The following ENAH variants were observed in gnomAD, a reference collection of about 807,000 sequenced individuals.
ENAH encodes the protein protein enabled homolog.
In ENAH, 23 loss-of-function variants were observed where a neutral mutation model predicts 78.7. That is an observed-to-expected ratio of 0.29 (90% CI 0.21 to 0.41). The LOEUF is 0.41. Among genes scored for constraint, ENAH ranks in the 10% least tolerant of loss-of-function variants. ENAH has a pLI of 1.00. For missense variants in ENAH, 544 were observed against 691.0 expected (o/e 0.79, Z 2.39); for synonymous variants, 226 against 241.0 (o/e 0.94, Z 0.58).
At chr1:225,585,652 G>A (rs2096842507) in intron 1 of ENAH, among the ~76,000 whole-genome samples, 1 of 152,098 alleles carries the variant, frequency 6.6e-6, no homozygotes, top group South Asian at 2.1e-4. Flanking sequence ...AGCCGGGCGT[G>A]GTGGTGTGCA....
At chr1:225,652,392 G>A (rs1228599222) in intron 1 of ENAH, 1 of 985,296 alleles carries the variant, frequency 1.0e-6, no homozygotes, top group Non-Finnish European at 1.2e-6. Context: ...CAAAGGCTTG[G>A]GGGAGGGAGC....
chr1:225,539,529 T>A (rs2096579111), intron 3 of ENAH, among the ~76,000 whole-genome samples: 1 of 152,184 alleles, frequency 6.6e-6, no homozygotes, highest in Non-Finnish European at 1.5e-5. Flanking sequence ...CCCATTCCAA[T>A]CGTGGTATCT....
rs755240008 is a variant in ENAH at position 225,497,789 on chromosome 1, A to T, written c.1699T>A (p.Ser567Thr). ...IDAIRQELSKSNTA is the reference protein window; with the variant it reads ...IDAIRQELSKTNTA The stretch of plus-strand genomic sequence containing the variant: ...AGTCTGTTCCTCTATGCAGTATTTG[A>T]CTTGCTCAGTTCCTGCCTGATTGCT... Residue 567 changes from serine to threonine, a missense_variant, in exon 14 of 14, where the codon TCA (serine) becomes ACA (threonine). By Grantham distance (58) the Ser-to-Thr change is moderately conservative. This residue lies in a region of ENAH where 97 missense variants were observed against 124.4 expected (regional missense o/e 0.78). Transcript: ENST00000366843. The T allele has an allele frequency of 6.2e-7, 1 of 1,612,540 alleles. No individual in the cohort carries two copies. The highest frequency in any genetic ancestry group is 8.5e-7 in the Non-Finnish European group (1 of 1,179,320).
intron 3 of ENAH, among the ~76,000 whole-genome samples, chr1:225,539,730 G>A (rs1352171387): frequency 6.6e-5 from 10 of 152,052 alleles, no homozygotes; most frequent in Non-Finnish European, 8.8e-5. Flanking sequence ...TAGGTACACC[G>A]GTCTCTCAAT....
chr1:225,504,812 C>G (rs2096312964), intron 11 of ENAH, among the ~76,000 whole-genome samples: 1 of 152,044 alleles, frequency 6.6e-6, no homozygotes, highest in Non-Finnish European at 1.5e-5. Context: ...ATATGTTTAC[C>G]ATTTGTATTT....
intron 1 of ENAH, among the ~76,000 whole-genome samples, chr1:225,650,901 A>G (rs1443615445): frequency 6.7e-6 from 1 of 150,080 alleles, no homozygotes; most frequent in East Asian, 1.9e-4. Flanking sequence ...TATATTTCTC[A>G]ATGTTAAGAT....
intron 3 of ENAH, among the ~76,000 whole-genome samples, chr1:225,543,148 C>T (rs1284563799): frequency 3.3e-5 from 5 of 152,100 alleles, no homozygotes; most frequent in African/African-American, 9.7e-5. Flanking sequence ...AAGGCTAATT[C>T]CATTAGTTAT....
At chr1:225,575,641 CCTT>C (rs1195853828) in intron 1 of ENAH, among the ~76,000 whole-genome samples, 2 of 152,184 alleles carry the variant, frequency 1.3e-5, no homozygotes, top group Non-Finnish European at 2.9e-5. Flanking sequence ...TTCCCAGATA[CCTT>C]CTAATTCTGA....
At chr1:225,514,478 A>G in intron 7 of ENAH, 118 bp downstream of exon 7, 2 of 936,264 alleles carry the variant, frequency 2.1e-6, no homozygotes, top group Admixed American at 4.5e-5. Context: ...AATTATTTCA[A>G]TTTTTTAAAT....
intron 4 of ENAH, among the ~76,000 whole-genome samples, chr1:225,522,926 T>C (rs1209600424): frequency 6.6e-6 from 1 of 152,206 alleles, no homozygotes; most frequent in Non-Finnish European, 1.5e-5. Flanking sequence ...TCTTCTATTT[T>C]ACCAAAACAA....
chr1:225,508,825 T>C (rs1359255847), intron 10 of ENAH, among the ~76,000 whole-genome samples: 1 of 152,250 alleles, frequency 6.6e-6, no homozygotes, highest in Admixed American at 6.5e-5. Context: ...TATTCATGAA[T>C]TGTGATCTCA....
At chr1:225,597,655 C>CAAAA (rs565567062) in intron 1 of ENAH, among the ~76,000 whole-genome samples, 5 of 61,162 alleles carry the variant, frequency 8.2e-5, no homozygotes, top group East Asian at 1.2e-3. Flanking sequence ...AAGAGCATCT[C>CAAAA]AAAAAAAAAA....
At chr1:225,607,515 CAAAA>C (rs534943449) in intron 1 of ENAH, among the ~76,000 whole-genome samples, 11 of 92,470 alleles carry the variant, frequency 1.2e-4, no homozygotes, top group Admixed American at 2.2e-4. Flanking sequence ...GGGTGGGGGG[CAAAA>C]AAAAAAAAAA....
intron 1 of ENAH, among the ~76,000 whole-genome samples, chr1:225,644,073 C>T (rs1395537813): frequency 6.6e-6 from 1 of 151,474 alleles, no homozygotes. Context: ...TAATCATATG[C>T]ACACGCACAA....
chr1:225,641,946 G>A (rs919969714), intron 1 of ENAH, among the ~76,000 whole-genome samples: 2 of 152,000 alleles, frequency 1.3e-5, no homozygotes, highest in East Asian at 1.9e-4. Flanking sequence ...ACTTGAACCC[G>A]GGAAGCAGAG....
intron 3 of ENAH, among the ~76,000 whole-genome samples, chr1:225,543,624 T>C (rs1365614202): frequency 1.3e-5 from 2 of 152,224 alleles, no homozygotes; most frequent in Non-Finnish European, 2.9e-5. Flanking sequence ...ACTTATACTA[T>C]CTACACAATT....
chr1:225,534,345 T>C (rs144662730), intron 3 of ENAH, among the ~76,000 whole-genome samples: 1 of 152,262 alleles, frequency 6.6e-6, no homozygotes, highest in East Asian at 1.9e-4. Context: ...TGTAACTGTG[T>C]CCTCTGGAAC....
chr1:225,621,956 T>C (rs1012843420), intron 1 of ENAH, among the ~76,000 whole-genome samples: 2 of 152,192 alleles, frequency 1.3e-5, no homozygotes, highest in Non-Finnish European at 2.9e-5. Context: ...TCCCTCTTCG[T>C]ATCTCTCACT....
chr1:225,517,094 C>A, intron 6 of ENAH, 102 bp downstream of exon 6: 2 of 924,562 alleles, frequency 2.2e-6, no homozygotes, highest in Non-Finnish European at 3.1e-6. Context: ...TATAAATGTT[C>A]AAGGATCAAA....
Sources: allele counts gnomAD v4.1 joint callset (sites outside exome capture counted in the v4.1 genomes callset), GRCh38; gene constraint gnomAD v4.1.1; regional missense constraint gnomAD v4.1.1; transcripts MANE v1.5; gene names NCBI Gene and HGNC (gene_info 2026-07-23, HGNC 2026-07-21).